BDKRB1: variants seen among roughly 807,000 people sequenced by gnomAD.
BDKRB1 encodes bradykinin receptor B1, also known as B1 bradykinin receptor.
For missense variants in BDKRB1, 414 were observed against 441.4 expected, an observed-to-expected ratio of 0.94 and a Z score of 0.56; for synonymous variants, 192 against 189.1, an observed-to-expected ratio of 1.02 and a Z score of -0.13.
At chr14:96,263,597 A>T (rs1885807682) in intron 2 of BDKRB1, 76 bp from the exon 3 acceptor site, 4 of 1,442,958 alleles carry the variant, frequency 2.8e-6, no homozygotes, top group Non-Finnish European at 3.7e-6. Flanking sequence ...TTGTCCAAAA[A>T]CAGGTGACAG....
At chr14:96,258,548 G>A (rs116471280) in intron 1 of BDKRB1, among the ~76,000 whole-genome samples, 177 of 152,276 alleles carry the variant, frequency 1.2e-3, no homozygotes, top group African/African-American at 4.1e-3. Flanking sequence ...TTTCACAGGT[G>A]CTGTCTTTGT....
intron 2 of BDKRB1, among the ~76,000 whole-genome samples, chr14:96,263,319 C>T (rs762443309): frequency 3.3e-5 from 5 of 152,196 alleles, no homozygotes; most frequent in Non-Finnish European, 5.9e-5. Context: ...AAGAGAGACA[C>T]GATTCTCTCC....
At chr14:96,261,641 T>TCA (rs1210739387) in intron 1 of BDKRB1, among the ~76,000 whole-genome samples, 4 of 152,334 alleles carry the variant, frequency 2.6e-5, no homozygotes, top group East Asian at 3.9e-4. Context: ...ATCTCAGGTG[T>TCA]CACCCATTAA....
At chr14:96,260,070 G>A (rs986424549) in intron 1 of BDKRB1, among the ~76,000 whole-genome samples, 3 of 150,636 alleles carry the variant, frequency 2.0e-5, no homozygotes, top group Non-Finnish European at 4.4e-5. Context: ...TGTCACCCAG[G>A]CTGGAGTGTA....
rs1885838011 is a variant in BDKRB1 at position 96,264,343 on chromosome 14, T to C, written c.661T>C (p.Phe221Leu). 1.2e-6 allele frequency: 2 copies of C among 1,614,220 alleles called. No homozygotes were observed. Among genetic ancestry groups the C allele is most frequent in the Non-Finnish European group, 1.7e-6 (2 of 1,180,032 alleles). ...FLLPLAAIVFFNYHILASLRT... is the reference protein window; with the variant it reads ...FLLPLAAIVFLNYHILASLRT... ...CCTACCACTGGCTGCGATCGTCTTC[T>C]TCAACTACCACATCCTGGCCTCCCT... Residue 221 changes from phenylalanine to leucine, a missense_variant, in exon 3 of 3, where the codon TTC (phenylalanine) becomes CTC (leucine). Phe to Leu is a conservative substitution (Grantham distance 22). Transcript: ENST00000216629.
chr14:96,264,055 A>T lies in BDKRB1; in HGVS notation c.373A>T (p.Ile125Phe). 1 of 1,613,040 alleles carries T rather than the reference A, an allele frequency of 6.2e-7. No individual in the cohort carries two copies. The change falls in exon 3 of 3, where the codon ATC becomes TTC. Residue 125 changes from isoleucine to phenylalanine, a missense_variant. By Grantham distance (21) the Ile-to-Phe change is conservative (BLOSUM62 0). Transcript: ENST00000216629. ...CATCAAGGCCAATTTGTTCATCAGCATCTTCCTGGTGGTGGCCATCAGCCA... is the reference window on the plus strand; with the variant it reads ...CATCAAGGCCAATTTGTTCATCAGCTTCTTCCTGGTGGTGGCCATCAGCCA... ...GVIKANLFIS[I>F]FLVVAISQDR...
intron 1 of BDKRB1, among the ~76,000 whole-genome samples, chr14:96,257,338 T>G (rs979058506): frequency 3.3e-5 from 5 of 152,224 alleles, no homozygotes; most frequent in Non-Finnish European, 5.9e-5. Flanking sequence ...TATAATTAAT[T>G]ATCACAAAGT....
chr14:96,260,575 AAAT>A (rs1414753553), intron 1 of BDKRB1, among the ~76,000 whole-genome samples: 2 of 152,228 alleles, frequency 1.3e-5, no homozygotes, highest in African/African-American at 4.8e-5. Context: ...CCAAATGATA[AAAT>A]ACACATAGTT....
In BDKRB1 at chr14:96,263,969, A is replaced by C. The variant is rs746455773; in HGVS notation, c.287A>C (p.Asn96Thr). The stretch of plus-strand genomic sequence containing the variant: ...TTGGGCTTGCCCTTCTGGGCAGAGA[A>C]TATCTGGAACCAGTTTAACTGGCCT... The part of the protein sequence containing the change: ...FVLGLPFWAE[N>T]IWNQFNWPFG... The change falls in exon 3 of 3, where the codon AAT becomes ACT. Residue 96 changes from asparagine to threonine, a missense_variant. Coordinates refer to ENST00000216629, the MANE Select transcript of BDKRB1 (RefSeq NM_000710.4). The C allele has an allele frequency of 2.5e-6, 4 of 1,614,208 alleles. No individual in the cohort carries two copies. Among genetic ancestry groups the C allele is most frequent in the Non-Finnish European group, 3.4e-6 (4 of 1,180,042 alleles).
Position 96,263,785 on chromosome 14 carries a change from C to T in BDKRB1, c.103C>T (p.Leu35=), listed in dbSNP as rs1398712382. Residue 35 remains leucine (L), a synonymous_variant, in exon 3 of 3, where the codon CTG becomes TTG. Transcript: ENST00000216629. Reference sequence around the variant, plus strand: ...TGACAATGCTCCAGAAGCCTGGGACCTGCTGCACAGAGTGCTGCCAACATT... The same window carrying T: ...TGACAATGCTCCAGAAGCCTGGGACTTGCTGCACAGAGTGCTGCCAACATT... ...ACDNAPEAWD[L]LHRVLPTFII... 4.3e-6 allele frequency: 7 copies of T among 1,614,224 alleles called. No homozygotes were observed. The highest frequency in any genetic ancestry group is 5.9e-6 in the Non-Finnish European group (7 of 1,180,022).
chr14:96,261,184 C>T (rs1378836209), intron 1 of BDKRB1, among the ~76,000 whole-genome samples: 1 of 152,174 alleles, frequency 6.6e-6, no homozygotes, highest in East Asian at 1.9e-4. Flanking sequence ...CTTCTCACCA[C>T]CTGCCCTGCT....
At chr14:96,259,432 C>T (rs562899516) in intron 1 of BDKRB1, 14 of 152,052 alleles carry the variant, frequency 9.2e-5, no homozygotes, top group African/African-American at 1.5e-4. Flanking sequence ...TTGTCACGTA[C>T]GTCTATAAAT....
chr14:96,256,327 TC>T (rs1439252945), intron 1 of BDKRB1, 27 bp downstream of exon 1: 6 of 152,068 alleles, frequency 3.9e-5, no homozygotes, highest in Non-Finnish European at 8.8e-5. Flanking sequence ...CTTTTTTTTT[TC>T]TTTTATGAGA....
chr14:96,261,731 T>G (rs1595275285), intron 1 of BDKRB1, among the ~76,000 whole-genome samples: 1 of 152,220 alleles, frequency 6.6e-6, no homozygotes, highest in East Asian at 1.9e-4. Flanking sequence ...CGGGCGTATA[T>G]TAACCTATCC....
At chr14:96,261,002 GCTT>G (rs1885736286) in intron 1 of BDKRB1, among the ~76,000 whole-genome samples, 1 of 151,764 alleles carries the variant, frequency 6.6e-6, no homozygotes, top group South Asian at 2.1e-4. Flanking sequence ...AAAAAAAACT[GCTT>G]CATCTTCATT....
rs775709557 is a variant in BDKRB1 at position 96,264,012 on chromosome 14, C to T, written c.330C>T (p.Cys110=). 3 of 1,614,212 alleles carry T rather than the reference C, an allele frequency of 1.9e-6. No homozygotes were observed. ...ACTGGCCTTTCGGAGCCCTCCTCTGCCGTGTCATCAACGGGGTCATCAAGG... is the reference window on the plus strand; with the variant it reads ...ACTGGCCTTTCGGAGCCCTCCTCTGTCGTGTCATCAACGGGGTCATCAAGG... The part of the protein sequence containing the change: ...QFNWPFGALL[C]RVINGVIKAN... The change falls in exon 3 of 3, where the codon TGC becomes TGT. Residue 110 remains cysteine (C), a synonymous_variant. Transcript: ENST00000216629.
chr14:96,263,893 G>T lies in BDKRB1; in HGVS notation c.211G>T (p.Val71Leu), dbSNP rs765406047. Reference protein sequence around the residue: ...VFLLPRRQLNVAEIYLANLAA... With the variant: ...VFLLPRRQLNLAEIYLANLAA... ...CCTCCTGCCCCGGCGGCAACTGAAC[G>T]TGGCAGAAATCTACCTGGCCAACCT... The change falls in exon 3 of 3, where the codon GTG becomes TTG. Residue 71 changes from valine to leucine, a missense_variant. Val to Leu is a conservative substitution (Grantham distance 32). Coordinates refer to ENST00000216629, the MANE Select transcript of BDKRB1 (RefSeq NM_000710.4). The T allele has an allele frequency of 1.2e-6, 2 of 1,614,212 alleles. No individual in the cohort carries two copies. The highest frequency in any genetic ancestry group is 2.2e-5 in the East Asian group (1 of 44,882).
chr14:96,264,522 A>C lies in BDKRB1; in HGVS notation c.840A>C (p.Ala280=). ...TGGAATTCTTATTCCAGGTGCAAGC[A>C]GTCCGAGGCTGCTTTTGGGAGGACT... is the stretch of plus-strand genomic sequence containing the variant. The part of the protein sequence containing the change: ...AFLEFLFQVQ[A]VRGCFWEDFI... Residue 280 remains alanine, a synonymous_variant, in exon 3 of 3, where the codon GCA becomes GCC. Transcript: ENST00000216629. The C allele has an allele frequency of 6.2e-7, 1 of 1,614,196 alleles. No homozygotes were observed. The highest frequency in any genetic ancestry group is 8.5e-7 in the Non-Finnish European group (1 of 1,180,040).
At position 96,264,521 on chromosome 14, in the gene BDKRB1, C is replaced by A. The variant is rs550229352; in HGVS notation, c.839C>A (p.Ala280Glu). ...AFLEFLFQVQ[A>E]VRGCFWEDFI... ...CTGGAATTCTTATTCCAGGTGCAAG[C>A]AGTCCGAGGCTGCTTTTGGGAGGAC... Residue 280 changes from alanine to glutamate, a missense_variant, in exon 3 of 3, where the codon GCA (alanine) becomes GAA (glutamate). By Grantham distance (107) the Ala-to-Glu change is moderately radical (BLOSUM62 -1). Coordinates refer to ENST00000216629, the MANE Select transcript of BDKRB1 (RefSeq NM_000710.4). The A allele has an allele frequency of 4.3e-6, 7 of 1,614,168 alleles. No individual in the cohort carries two copies. The South Asian group carries it at 6.6e-5, about 15-fold the overall frequency.
Sources: gnomAD v4.1 joint callset for allele counts (sites outside exome capture counted in the v4.1 genomes callset) on GRCh38, gnomAD v4.1.1 for gene constraint, MANE v1.5 for transcripts, NCBI Gene and HGNC (gene_info 2026-07-23, HGNC 2026-07-21) for gene names.